FOXO1: variants seen among roughly 807,000 people sequenced by gnomAD.
FOXO1 encodes the protein forkhead box protein O1.
In FOXO1, 6 loss-of-function variants were observed where a neutral mutation model predicts 44.1. The ratio of observed to expected loss-of-function variants is 0.14; its 90% CI spans 0.07 to 0.27. The LOEUF is 0.27. Among genes scored for constraint, FOXO1 ranks in the 10% least tolerant of loss-of-function variants. FOXO1 has a pLI of 1.00. For synonymous variants in FOXO1, 380 were observed against 362.7 expected (o/e 1.05, Z -0.54); for missense variants, 737 against 888.8 (o/e 0.83, Z 2.17).
At chr13:40,561,921 C>G (rs905852894) in intron 1 of FOXO1, among the ~76,000 whole-genome samples, 1 of 77,198 alleles carries the variant, frequency 1.3e-5, no homozygotes, top group Non-Finnish European at 2.4e-5. Flanking sequence ...GCCTGGGCAA[C>G]AAGAGTTAAA....
intron 1 of FOXO1, among the ~76,000 whole-genome samples, chr13:40,661,441 C>A (rs941707597): frequency 6.6e-6 from 1 of 151,960 alleles, no homozygotes; most frequent in African/African-American, 2.4e-5. Context: ...GGACTACAGG[C>A]ACCTGCCACC....
chr13:40,659,849 T>C (rs151049727), intron 1 of FOXO1, among the ~76,000 whole-genome samples: 2 of 152,248 alleles, frequency 1.3e-5, no homozygotes, highest in Admixed American at 6.5e-5. Flanking sequence ...GGCTGAACCA[T>C]ATAAAATAGC....
intron 1 of FOXO1, among the ~76,000 whole-genome samples, chr13:40,563,823 G>A (rs575849174): frequency 3.3e-5 from 5 of 152,206 alleles, no homozygotes; most frequent in East Asian, 1.9e-4. Context: ...AACCCCAGCC[G>A]AACCGAGTTC....
intron 1 of FOXO1, among the ~76,000 whole-genome samples, chr13:40,595,009 AT>A (rs1875523761): frequency 6.6e-6 from 1 of 152,158 alleles, no homozygotes; most frequent in East Asian, 1.9e-4. Context: ...ATATATGCTT[AT>A]TTGGTTTTGA....
At chr13:40,623,657 C>T (rs975008858) in intron 1 of FOXO1, among the ~76,000 whole-genome samples, 1 of 152,096 alleles carries the variant, frequency 6.6e-6, no homozygotes, top group Non-Finnish European at 1.5e-5. Flanking sequence ...TTCCAGATCA[C>T]AGGAAATTAA....
chr13:40,596,023 T>G (rs1875565404), intron 1 of FOXO1, among the ~76,000 whole-genome samples: 1 of 151,834 alleles, frequency 6.6e-6, no homozygotes, highest in Non-Finnish European at 1.5e-5. Context: ...ATGGCATGGT[T>G]ATTTAATACA....
chr13:40,633,208 A>T (rs555386499), intron 1 of FOXO1, among the ~76,000 whole-genome samples: 4 of 152,264 alleles, frequency 2.6e-5, no homozygotes, highest in Non-Finnish European at 5.9e-5. Flanking sequence ...GTTCCTCAAA[A>T]GGTCGAACAA....
chr13:40,663,517 A>AG (rs1378848529), intron 1 of FOXO1, among the ~76,000 whole-genome samples: 1 of 152,220 alleles, frequency 6.6e-6, no homozygotes, highest in East Asian at 1.9e-4. Flanking sequence ...ATGCAAAAAA[A>AG]GGGGGGAGGA....
intron 1 of FOXO1, among the ~76,000 whole-genome samples, chr13:40,636,071 G>A (rs1176581179): frequency 6.6e-6 from 1 of 152,110 alleles, no homozygotes; most frequent in Non-Finnish European, 1.5e-5. Context: ...TTAGCCAGGC[G>A]TGGCATGGTG....
intron 1 of FOXO1, among the ~76,000 whole-genome samples, chr13:40,617,032 T>C (rs958751662): frequency 6.6e-6 from 1 of 152,208 alleles, no homozygotes; most frequent in Non-Finnish European, 1.5e-5. Flanking sequence ...TCACTCGAAA[T>C]AGAAATAACT....
At chr13:40,638,999 G>A (rs1877259942) in intron 1 of FOXO1, among the ~76,000 whole-genome samples, 1 of 152,118 alleles carries the variant, frequency 6.6e-6, no homozygotes, top group African/African-American at 2.4e-5. Context: ...TTCGAGACCA[G>A]CCTGACCAAC....
intron 1 of FOXO1, among the ~76,000 whole-genome samples, chr13:40,656,142 T>C (rs1877852938): frequency 6.6e-6 from 1 of 152,230 alleles, no homozygotes; most frequent in Non-Finnish European, 1.5e-5. Flanking sequence ...ATTTGGCCTA[T>C]CCAAATTTAA....
Position 40,560,072 on chromosome 13 carries a change from A to G in FOXO1, c.1419T>C (p.His473=), listed in dbSNP as rs1038766455. 6.2e-7 allele frequency: 1 copy of G among 1,614,140 alleles called. No individual in the cohort carries two copies. Among genetic ancestry groups the G allele is most frequent in the Non-Finnish European group, 8.5e-7 (1 of 1,180,022 alleles). The change falls in exon 2 of 3, where the codon CAT becomes CAC. Residue 473 remains histidine (H), a synonymous_variant. Transcript: ENST00000379561. The surrounding 1 kb of genome is among the most constrained non-coding windows in gnomAD (Gnocchi z 5.1). The stretch of plus-strand genomic sequence containing the variant: ...GATCAACTGGTGTCATAATGTCATT[A>G]TGGGGAGGAGAGTCAGAAGTCAGCA... The part of the protein sequence containing the change: ...KELLTSDSPP[H]NDIMTPVDPG...
At chr13:40,620,457 C>G in intron 1 of FOXO1, 1 of 628,648 alleles carries the variant, frequency 1.6e-6, no homozygotes, top group South Asian at 1.6e-5. Context: ...ATCAGTGGCT[C>G]TTCGGTCAAT....
intron 1 of FOXO1, among the ~76,000 whole-genome samples, chr13:40,561,932 C>G (rs1227288301): frequency 1.5e-5 from 2 of 133,710 alleles, no homozygotes; most frequent in African/African-American, 2.8e-5. Context: ...AAGAGTTAAA[C>G]ACTCTGTCGC....
At chr13:40,602,864 T>TAC (rs1253667995) in intron 1 of FOXO1, among the ~76,000 whole-genome samples, 10 of 152,156 alleles carry the variant, frequency 6.6e-5, no homozygotes, top group Admixed American at 6.6e-4. Context: ...CAAAACATAC[T>TAC]ACCAAGCTCA....
intron 1 of FOXO1, among the ~76,000 whole-genome samples, chr13:40,592,220 T>C (rs1235839783): frequency 6.6e-6 from 1 of 152,196 alleles, no homozygotes; most frequent in Non-Finnish European, 1.5e-5. Context: ...CATGCTACTC[T>C]GATCTCCAAT....
Position 40,666,033 on chromosome 13 carries a change from C to G in FOXO1, c.180G>C (p.Ser60=). ...ANPDAAAGLP[S]ASAAAVSADF... The stretch of plus-strand genomic sequence containing the variant: ...CGGCGCTGACAGCGGCAGCCGAGGC[C>G]GAGGGCAGGCCCGCCGCGGCGTCGG... Residue 60 remains serine (S), a synonymous_variant, in exon 1 of 3, where the codon TCG becomes TCC. Transcript: ENST00000379561. 1 of 1,287,324 alleles carries G rather than the reference C, an allele frequency of 7.8e-7. No homozygotes were observed. Among genetic ancestry groups the G allele is most frequent in the South Asian group, 2.5e-5 (1 of 40,330 alleles). The allele number at this position is 1,287,324 out of a possible 1,614,324, so 79.7% of individuals were successfully genotyped here. A position where few individuals can be genotyped will look rare whatever the true frequency, so the allele number is the denominator to read the frequency against.
intron 1 of FOXO1, among the ~76,000 whole-genome samples, chr13:40,664,717 C>G (rs1054302145): frequency 6.6e-6 from 1 of 152,176 alleles, no homozygotes; most frequent in Non-Finnish European, 1.5e-5. Context: ...CGGGCGCTTC[C>G]CCGCATGGAG....
Sources: allele counts gnomAD v4.1 joint callset (sites outside exome capture counted in the v4.1 genomes callset), GRCh38; gene constraint gnomAD v4.1.1; non-coding constraint Gnocchi (gnomAD v3.1); transcripts MANE v1.5; gene names NCBI Gene and HGNC (gene_info 2026-07-23, HGNC 2026-07-21).